Variants in DNAJC6 observed in about 807,000 individuals in gnomAD.
DNAJC6 encodes the protein DnaJ heat shock protein family (Hsp40) member C6.
In DNAJC6, 34 loss-of-function variants were observed where a neutral mutation model predicts 110.0. The ratio of observed to expected loss-of-function variants is 0.31; its 90% CI spans 0.24 to 0.41. The LOEUF (loss-of-function observed/expected upper bound fraction) is 0.41, where lower values mean the gene tolerates loss of function less well. Among genes scored for constraint, DNAJC6 ranks in the 10% least tolerant of loss-of-function variants. The pLI, the probability that DNAJC6 is intolerant of heterozygous loss-of-function variation, is 1.00. For missense variants in DNAJC6, 1,031 were observed against 1,207.8 expected, an observed-to-expected ratio of 0.85 and a Z score of 2.17; for synonymous variants, 406 against 437.2, an observed-to-expected ratio of 0.93 and a Z score of 0.89.
intron 4 of DNAJC6, among the ~76,000 whole-genome samples, chr1:65,378,328 A>G (rs764243480): frequency 4.6e-5 from 7 of 151,606 alleles, no homozygotes; most frequent in Non-Finnish European, 1.0e-4. Flanking sequence ...CACTCTCACC[A>G]TGAAGGACTT....
chr1:65,267,226 C>G (rs1345967406), intron 1 of DNAJC6, among the ~76,000 whole-genome samples: 1 of 152,080 alleles, frequency 6.6e-6, no homozygotes, highest in Non-Finnish European at 1.5e-5. Flanking sequence ...TTACTTTGTA[C>G]TGGGAAGAGC....
intron 1 of DNAJC6, among the ~76,000 whole-genome samples, chr1:65,341,633 G>A (rs1301293896): frequency 6.6e-6 from 1 of 152,176 alleles, no homozygotes; most frequent in African/African-American, 2.4e-5. Context: ...TTCTTTGGGG[G>A]AAGATGGAAA....
chr1:65,352,759 A>G (rs1645504301), intron 1 of DNAJC6, among the ~76,000 whole-genome samples: 1 of 152,220 alleles, frequency 6.6e-6, no homozygotes, highest in African/African-American at 2.4e-5. Context: ...TGGCAGCTCC[A>G]GAATTTCTGC....
At chr1:65,328,396 T>C (rs540685351) in intron 1 of DNAJC6, among the ~76,000 whole-genome samples, 3 of 152,256 alleles carry the variant, frequency 2.0e-5, no homozygotes, top group African/African-American at 2.4e-5. Context: ...TACAGAGAGA[T>C]AGCTGTAAAC....
At chr1:65,328,852 G>C (rs1232945787) in intron 1 of DNAJC6, among the ~76,000 whole-genome samples, 1 of 152,146 alleles carries the variant, frequency 6.6e-6, no homozygotes, top group Non-Finnish European at 1.5e-5. Context: ...ATCAGCTTGA[G>C]CTGTCTTCCC....
chr1:65,338,457 A>T (rs568363701), intron 1 of DNAJC6, among the ~76,000 whole-genome samples: 1 of 152,252 alleles, frequency 6.6e-6, no homozygotes, highest in African/African-American at 2.4e-5. Context: ...CTGTGTGGTT[A>T]TATCATCAAT....
intron 15 of DNAJC6, among the ~76,000 whole-genome samples, chr1:65,405,221 AT>A (rs1646063883): frequency 6.6e-6 from 1 of 152,212 alleles, no homozygotes; most frequent in South Asian, 2.1e-4. Context: ...CAAAGCTTGA[AT>A]AAGATCCTTT....
chr1:65,271,485 C>T (rs189130247), intron 1 of DNAJC6, among the ~76,000 whole-genome samples: 1 of 152,204 alleles, frequency 6.6e-6, no homozygotes, highest in Non-Finnish European at 1.5e-5. Context: ...TTTTTAGATT[C>T]CACACACAAG....
intron 1 of DNAJC6, among the ~76,000 whole-genome samples, chr1:65,312,961 G>T (rs1326111491): frequency 6.6e-6 from 1 of 152,056 alleles, no homozygotes; most frequent in Non-Finnish European, 1.5e-5. Context: ...CACCACACCC[G>T]GCTAATTTTT....
At chr1:65,396,674 A>G (rs1645980073) in intron 13 of DNAJC6, among the ~76,000 whole-genome samples, 2 of 152,164 alleles carry the variant, frequency 1.3e-5, no homozygotes, top group African/African-American at 4.8e-5. Context: ...TGTGCTTAGT[A>G]ACTTCCAGTA....
In DNAJC6 at chr1:65,277,575, G is replaced by A. The variant is rs145775401; in HGVS notation, c.-131+12643G>A. Among the ~76,000 whole-genome samples the A allele has an allele frequency of 5.3e-4, 80 of 152,114 alleles. No individual in the cohort carries two copies. The East Asian group carries it at 0.013, about 25-fold the overall frequency. On this transcript the variant is annotated intron_variant, in intron 1 of 19. Coordinates refer to the DNAJC6 transcript ENST00000263441. Reference sequence around the variant, plus strand: ...TTGAGGGGGAGAAGTACAGGCTTCTGCCTTTAAGGGTACTGCTTCACTTTT... The same window carrying A: ...TTGAGGGGGAGAAGTACAGGCTTCTACCTTTAAGGGTACTGCTTCACTTTT...
At chr1:65,355,125 C>T (rs527341352) in intron 1 of DNAJC6, among the ~76,000 whole-genome samples, 1 of 152,036 alleles carries the variant, frequency 6.6e-6, no homozygotes, top group East Asian at 1.9e-4. Context: ...ATTAGCCAGG[C>T]ATGGGTGCAA....
chr1:65,387,059 A>G (rs1328531788), intron 8 of DNAJC6, 130 bp downstream of exon 8: 2 of 779,270 alleles, frequency 2.6e-6, no homozygotes, highest in East Asian at 5.1e-5. Flanking sequence ...GCGTTTAAAG[A>G]TTGCTTAGCT....
intron 1 of DNAJC6, among the ~76,000 whole-genome samples, chr1:65,362,334 T>C (rs1052348113): frequency 2.0e-5 from 3 of 152,220 alleles, no homozygotes; most frequent in African/African-American, 7.2e-5. Flanking sequence ...GTAAGTGTTA[T>C]ATATAAGTTA....
chr1:65,357,178 T>C (rs1159163902), intron 1 of DNAJC6, among the ~76,000 whole-genome samples: 2 of 152,182 alleles, frequency 1.3e-5, no homozygotes, highest in Non-Finnish European at 2.9e-5. Context: ...CAGTTGTCAA[T>C]TTTATAGAAG....
chr1:65,328,321 T>C (rs1415667673), intron 1 of DNAJC6, among the ~76,000 whole-genome samples: 1 of 152,250 alleles, frequency 6.6e-6, no homozygotes, highest in Non-Finnish European at 1.5e-5. Flanking sequence ...TTTATCTGCA[T>C]CTACTTTTGT....
At chr1:65,283,882 C>T (rs1392344849) in intron 1 of DNAJC6, among the ~76,000 whole-genome samples, 1 of 151,930 alleles carries the variant, frequency 6.6e-6, no homozygotes, top group Non-Finnish European at 1.5e-5. Flanking sequence ...ACTTTTTGCC[C>T]CTTCTCCTAC....
At chr1:65,402,636 A>G (rs1391802193) in intron 15 of DNAJC6, among the ~76,000 whole-genome samples, 3 of 152,182 alleles carry the variant, frequency 2.0e-5, no homozygotes, top group Non-Finnish European at 4.4e-5. Flanking sequence ...AGGGTGGGGT[A>G]GCCCTGACAC....
Position 65,301,975 on chromosome 1 carries a change from C to CAG in DNAJC6, c.-131+37062_-131+37063dup, listed in dbSNP as rs141225122. On this transcript the variant is annotated intron_variant, in intron 1 of 19. Coordinates refer to the DNAJC6 transcript ENST00000263441. The stretch of plus-strand genomic sequence containing the variant: ...AGGTGAAAGTAGGGAGGTAGAACAT[C>CAG]AGAGAGAGAGAGAGAGAGAGGGAGA... Among the ~76,000 whole-genome samples, 331 of 144,836 alleles carry CAG rather than the reference C, an allele frequency of 2.3e-3. 1 individual carries two copies. The highest frequency in any genetic ancestry group is 3.3e-3 in the Non-Finnish European group (218 of 65,856).
Sources: gnomAD v4.1 joint callset for allele counts (sites outside exome capture counted in the v4.1 genomes callset) on GRCh38, gnomAD v4.1.1 for gene constraint, MANE v1.5 for transcripts, NCBI Gene and HGNC (gene_info 2026-07-23, HGNC 2026-07-21) for gene names.